Variants in CFAP206 observed in about 807,000 individuals in gnomAD.
CFAP206 encodes the protein cilia- and flagella-associated protein 206.
CFAP206 carries 53 observed loss-of-function variants against 65.4 expected under a neutral mutation model. The ratio of observed to expected loss-of-function variants is 0.81; its 90% CI spans 0.65 to 1.02. CFAP206 has a LOEUF of 1.02. CFAP206 is among the 50% of genes least tolerant of loss of function. The pLI, the probability that CFAP206 is intolerant of heterozygous loss-of-function variation, is 0.00. For synonymous variants in CFAP206, 250 were observed against 254.4 expected (o/e 0.98, Z 0.17); for missense variants, 663 against 753.2 (o/e 0.88, Z 1.40).
chr6:87,417,864 T>C (rs1767861452), intron 6 of CFAP206, among the ~76,000 whole-genome samples: 1 of 151,592 alleles, frequency 6.6e-6, no homozygotes, highest in South Asian at 2.1e-4. Flanking sequence ...CAAGTGATTC[T>C]CCTGTGCTGG....
intron 7 of CFAP206, among the ~76,000 whole-genome samples, chr6:87,420,484 G>A (rs1014604250): frequency 5.3e-5 from 8 of 152,200 alleles, no homozygotes; most frequent in African/African-American, 1.9e-4. Flanking sequence ...TTTGCAACCA[G>A]ACTACATGAA....
At chr6:87,451,206 C>G (rs989732536) in intron 11 of CFAP206, among the ~76,000 whole-genome samples, 1 of 152,188 alleles carries the variant, frequency 6.6e-6, no homozygotes, top group South Asian at 2.1e-4. Flanking sequence ...CAGTGAGACA[C>G]CAGCTACGGT....
chr6:87,435,148 CAG>C, intron 11 of CFAP206, 95 bp downstream of exon 11: 2 of 837,300 alleles, frequency 2.4e-6, no homozygotes, highest in Non-Finnish European at 3.7e-6. Flanking sequence ...CAGGTCCACA[CAG>C]AGAGAGTCAG....
chr6:87,451,792 C>T (rs961047854), intron 11 of CFAP206, among the ~76,000 whole-genome samples: 7 of 151,788 alleles, frequency 4.6e-5, no homozygotes, highest in African/African-American at 1.5e-4. Flanking sequence ...GTAAGAAATC[C>T]GCTTCCCTGG....
chr6:87,408,478 CACACAG>C (rs1767667274), intron 1 of CFAP206: 1 of 72,606 alleles, frequency 1.4e-5, no homozygotes, highest in Non-Finnish European at 2.9e-5. Flanking sequence ...CCGGAGCGCG[CACACAG>C]ATCCGGAGCG....
chr6:87,464,109 G>A lies in CFAP206; in HGVS notation c.1728G>A (p.Lys576=), dbSNP rs1768786171. The A allele has an allele frequency of 6.2e-7, 1 of 1,614,028 alleles. No individual in the cohort carries two copies. Among genetic ancestry groups the A allele is most frequent in the African/African-American group, 1.3e-5 (1 of 74,928 alleles). The part of the protein sequence containing the change: ...RENCSQVYPP[K]DTSTQSMRED... ...ATTGTTCCCAAGTGTACCCTCCAAA[G>A]GACACTAGCACCCAGTCCATGAGGG... Residue 576 remains lysine, a synonymous_variant, in exon 13 of 13, where the codon AAG becomes AAA. Transcript: ENST00000369562.
At chr6:87,439,880 A>G (rs143634044) in intron 11 of CFAP206, among the ~76,000 whole-genome samples, 1 of 151,988 alleles carries the variant, frequency 6.6e-6, no homozygotes, top group South Asian at 2.1e-4. Flanking sequence ...ATTCAATTTT[A>G]AAAAAAATCC....
intron 11 of CFAP206, among the ~76,000 whole-genome samples, chr6:87,456,254 A>C (rs980427036): frequency 1.3e-5 from 2 of 152,200 alleles, no homozygotes; most frequent in African/African-American, 4.8e-5. Flanking sequence ...GACAAAAACC[A>C]TATGACCATT....
At chr6:87,455,058 G>A (rs1211181290) in intron 11 of CFAP206, among the ~76,000 whole-genome samples, 1 of 151,826 alleles carries the variant, frequency 6.6e-6, no homozygotes, top group East Asian at 2.0e-4. Flanking sequence ...AAGTAGCTGG[G>A]ATTACAGGCA....
chr6:87,418,171 C>T, intron 6 of CFAP206, 37 bp from the exon 7 acceptor site: 1 of 1,583,304 alleles, frequency 6.3e-7, no homozygotes. Context: ...TGTTTTTAGT[C>T]TCCTTTATGG....
intron 12 of CFAP206, 117 bp downstream of exon 12, chr6:87,461,282 T>C: frequency 1.6e-6 from 1 of 611,640 alleles, no homozygotes; most frequent in Admixed American, 4.2e-5. Flanking sequence ...TACAGAGTTC[T>C]TTGCTAACAA....
chr6:87,461,353 T>C (rs1277442548), intron 12 of CFAP206, among the ~76,000 whole-genome samples, 188 bp downstream of exon 12: 1 of 152,202 alleles, frequency 6.6e-6, no homozygotes, highest in Non-Finnish European at 1.5e-5. Context: ...TTTAAGCATA[T>C]ATAGAACAAT....
chr6:87,418,509 G>GA (rs1371155363), intron 7 of CFAP206, 93 bp downstream of exon 7: 4 of 1,018,704 alleles, frequency 3.9e-6, no homozygotes, highest in Non-Finnish European at 6.0e-6. Flanking sequence ...TAATTAAGGA[G>GA]AAAACCTCAG....
rs72454655 is a variant in CFAP206 at position 87,421,491 on chromosome 6, G to GA, written c.840+3085dup. ...ACAGAGTGAGACACTGTCTCAAAAA[G>GA]AAAAAAAAAATCCAATATATAGCCT... On this transcript the variant is annotated intron_variant, in intron 7 of 12. Transcript: ENST00000369562. Among the ~76,000 whole-genome samples the GA allele has an allele frequency of 1.6e-3, 231 of 148,136 alleles. 5 individuals carry two copies. In the East Asian group the frequency reaches 0.037, roughly 24 times the overall value.
At chr6:87,425,277 A>C (rs1768019203) in intron 7 of CFAP206, among the ~76,000 whole-genome samples, 2 of 152,178 alleles carry the variant, frequency 1.3e-5, no homozygotes, top group African/African-American at 4.8e-5. Flanking sequence ...AATTCTTACA[A>C]AGAACCGTAT....
chr6:87,409,013 A>G (rs1285087692), intron 1 of CFAP206, among the ~76,000 whole-genome samples: 1 of 137,414 alleles, frequency 7.3e-6, no homozygotes, highest in Non-Finnish European at 1.6e-5. Context: ...TTTTCCTTAT[A>G]GTAAATGCTT....
intron 3 of CFAP206, among the ~76,000 whole-genome samples, chr6:87,412,084 C>G (rs1027799941): frequency 6.6e-6 from 1 of 152,120 alleles, no homozygotes; most frequent in East Asian, 1.9e-4. Context: ...TCCATTCCCC[C>G]CAATTCCCCA....
At chr6:87,463,017 A>G (rs917638922) in intron 12 of CFAP206, among the ~76,000 whole-genome samples, 9 of 152,236 alleles carry the variant, frequency 5.9e-5, no homozygotes, top group African/African-American at 1.7e-4. Context: ...AGGTCTTCCA[A>G]TGACTGAGGT....
At chr6:87,463,559 A>T (rs1768777805) in intron 12 of CFAP206, among the ~76,000 whole-genome samples, 1 of 152,222 alleles carries the variant, frequency 6.6e-6, no homozygotes, top group Admixed American at 6.5e-5. Flanking sequence ...CAAAATGTAG[A>T]ATACTGTAAA....
Sources: allele counts gnomAD v4.1 joint callset (sites outside exome capture counted in the v4.1 genomes callset), GRCh38; gene constraint gnomAD v4.1.1; transcripts MANE v1.5; gene names NCBI Gene and HGNC (gene_info 2026-07-23, HGNC 2026-07-21).